GRIK2: variants seen among roughly 807,000 people sequenced by gnomAD.
The protein encoded by GRIK2 is glutamate ionotropic receptor kainate type subunit 2.
GRIK2 carries 32 observed loss-of-function variants against 100.3 expected under a neutral mutation model. The observed-to-expected ratio is 0.32, with a 90% CI of 0.24 to 0.43. GRIK2 has a LOEUF of 0.43. Among genes scored for constraint, GRIK2 ranks in the 20% least tolerant of loss-of-function variants. GRIK2 has a pLI of 1.00. For missense variants in GRIK2, 843 were observed against 1,114.9 expected (o/e 0.76, Z 3.47); for synonymous variants, 417 against 389.4 (o/e 1.07, Z -0.83).
chr6:101,587,367 T>G (rs1300457827), intron 2 of GRIK2, among the ~76,000 whole-genome samples: 1 of 146,260 alleles, frequency 6.8e-6, no homozygotes, highest in Admixed American at 7.0e-5. Flanking sequence ...AATGACAGAA[T>G]CTATCAATCT....
intron 16 of GRIK2, among the ~76,000 whole-genome samples, chr6:102,061,002 G>C (rs1475821932): frequency 2.0e-5 from 3 of 150,214 alleles, no homozygotes; most frequent in Non-Finnish European, 4.5e-5. Context: ...CTTTCTTTGA[G>C]AGCTGAGTGT....
chr6:101,600,570 G>T lies in GRIK2; in HGVS notation c.116-21379G>T, dbSNP rs1164228179. ...TTTCTATTTGTTTGTGTCACCTGTG[G>T]TTTCTTTACACAGTGTTTTGTAGTT... On this transcript the variant is annotated intron_variant, in intron 2 of 16. Coordinates refer to ENST00000369134, the MANE Select transcript of GRIK2 (RefSeq NM_021956.5). 3.3e-5 allele frequency among the ~76,000 whole-genome samples: 5 copies of T among 151,752 alleles called. No homozygotes were observed. In the East Asian group the frequency reaches 7.8e-4, roughly 24 times the overall value.
chr6:102,046,160 C>T (rs187755794), intron 15 of GRIK2, among the ~76,000 whole-genome samples: 2 of 151,790 alleles, frequency 1.3e-5, no homozygotes, highest in East Asian at 1.9e-4. Context: ...TATATATGCA[C>T]CAAATATTGA....
chr6:101,871,329 C>T (rs1251291629), intron 11 of GRIK2, among the ~76,000 whole-genome samples: 2 of 151,698 alleles, frequency 1.3e-5, no homozygotes, highest in Admixed American at 6.6e-5. Flanking sequence ...CTTTCATAAT[C>T]ATTCTATTTA....
chr6:102,017,568 C>T (rs1401661151), intron 14 of GRIK2, among the ~76,000 whole-genome samples: 3 of 152,102 alleles, frequency 2.0e-5, no homozygotes, highest in Non-Finnish European at 4.4e-5. Context: ...TGATATCTGA[C>T]ATTAACTTGA....
At chr6:102,022,858 C>T (rs925648708) in intron 14 of GRIK2, among the ~76,000 whole-genome samples, 2 of 151,430 alleles carry the variant, frequency 1.3e-5, no homozygotes, top group Non-Finnish European at 3.0e-5. Flanking sequence ...TAATCTTTAG[C>T]ATAATAGAGA....
In GRIK2 at chr6:101,586,626, T is replaced by C. The variant is rs556253183; in HGVS notation, c.116-35323T>C. ...AGTAGATGCCTGTAATCCAGCACTT[T>C]GAGGGGCTGAGGCAGGTGGATTGCC... On this transcript the variant is annotated intron_variant, in intron 2 of 16. Transcript: ENST00000369134. Among the ~76,000 whole-genome samples the C allele has an allele frequency of 1.5e-3, 227 of 151,848 alleles. 2 individuals are homozygous for C. The highest frequency in any genetic ancestry group is 5.4e-3 in the African/African-American group (225 of 41,402).
intron 14 of GRIK2, among the ~76,000 whole-genome samples, chr6:101,959,731 AT>A (rs1307106706): frequency 6.6e-6 from 1 of 152,016 alleles, no homozygotes; most frequent in Non-Finnish European, 1.5e-5. Flanking sequence ...ACCGATGAAA[AT>A]TTTGTTGAGA....
chr6:101,801,615 CT>C (rs1337087622), intron 8 of GRIK2, among the ~76,000 whole-genome samples: 1 of 151,816 alleles, frequency 6.6e-6, no homozygotes, highest in Non-Finnish European at 1.5e-5. Flanking sequence ...TATTTAACTA[CT>C]TTTTCCTAAG....
chr6:101,859,229 CTGA>C, intron 10 of GRIK2, 55 bp from the exon 11 acceptor site: 5 of 863,238 alleles, frequency 5.8e-6, no homozygotes, highest in Non-Finnish European at 7.6e-6. Flanking sequence ...AGCAATAATT[CTGA>C]TGATGAGTTT....
chr6:101,842,005 T>C (rs1783535770), intron 10 of GRIK2, among the ~76,000 whole-genome samples: 1 of 152,180 alleles, frequency 6.6e-6, no homozygotes, highest in South Asian at 2.1e-4. Context: ...TAAGTTGCCA[T>C]AACTGGAGTG....
intron 14 of GRIK2, among the ~76,000 whole-genome samples, chr6:101,964,799 C>T (rs761890333): frequency 4.0e-4 from 61 of 152,070 alleles, no homozygotes; most frequent in South Asian, 8.3e-4. Flanking sequence ...ACTTATGGAT[C>T]CTAGGCAGGG....
intron 2 of GRIK2, among the ~76,000 whole-genome samples, chr6:101,530,540 G>A (rs1775388151): frequency 8.4e-6 from 1 of 119,596 alleles, no homozygotes. Flanking sequence ...GATACATATG[G>A]ATGAAATAAA....
intron 2 of GRIK2, among the ~76,000 whole-genome samples, chr6:101,485,789 C>T (rs1772788600): frequency 6.6e-6 from 1 of 151,940 alleles, no homozygotes; most frequent in Non-Finnish European, 1.5e-5. Context: ...GCATAATAGG[C>T]AAAGAAAAGT....
intron 2 of GRIK2, among the ~76,000 whole-genome samples, chr6:101,542,770 A>C (rs974780887): frequency 6.6e-6 from 1 of 152,106 alleles, no homozygotes; most frequent in Non-Finnish European, 1.5e-5. Flanking sequence ...AAATTAACTA[A>C]ATTTTGAAAA....
intron 12 of GRIK2, among the ~76,000 whole-genome samples, chr6:101,890,747 A>G (rs910152067): frequency 2.0e-5 from 3 of 151,946 alleles, no homozygotes; most frequent in African/African-American, 7.2e-5. Flanking sequence ...TCAAACTTTC[A>G]ACTGATAGAT....
chr6:101,866,397 G>A (rs1785054478), intron 11 of GRIK2, among the ~76,000 whole-genome samples: 1 of 152,010 alleles, frequency 6.6e-6, no homozygotes, highest in African/African-American at 2.4e-5. Context: ...ATTTCACATT[G>A]CATGCCTGTA....
At chr6:101,582,243 A>G (rs930692406) in intron 2 of GRIK2, among the ~76,000 whole-genome samples, 5 of 143,018 alleles carry the variant, frequency 3.5e-5, no homozygotes, top group African/African-American at 9.9e-5. Flanking sequence ...CAACAGGCCA[A>G]CAGGCCCCGG....
At chr6:101,899,179 A>C (rs1787680526) in intron 12 of GRIK2, among the ~76,000 whole-genome samples, 1 of 150,930 alleles carries the variant, frequency 6.6e-6, no homozygotes, top group Admixed American at 6.6e-5. Context: ...GGATAGAAAT[A>C]TCTTGGTTGA....
Sources: gnomAD v4.1 joint callset for allele counts (sites outside exome capture counted in the v4.1 genomes callset) on GRCh38, gnomAD v4.1.1 for gene constraint, MANE v1.5 for transcripts, NCBI Gene and HGNC (gene_info 2026-07-23, HGNC 2026-07-21) for gene names.